Variants in GRID2 observed in about 807,000 individuals in gnomAD.
GRID2 encodes glutamate ionotropic receptor delta type subunit 2, also known as glutamate receptor ionotropic, delta-2.
In GRID2, 33 loss-of-function variants were observed where a neutral mutation model predicts 114.8. The ratio of observed to expected loss-of-function variants is 0.29; its 90% CI spans 0.22 to 0.38. The LOEUF is 0.38. Among genes scored for constraint, GRID2 ranks in the 10% least tolerant of loss-of-function variants. GRID2 has a pLI of 1.00. For missense variants in GRID2, 1,184 were observed against 1,257.7 expected (o/e 0.94, Z 0.89); for synonymous variants, 505 against 449.9 (o/e 1.12, Z -1.55).
At chr4:93,075,189 A>G (rs2870658) in intron 2 of GRID2, among the ~76,000 whole-genome samples, 70,067 of 151,946 alleles carry the variant, frequency 0.46, 16,673 homozygotes, top group Admixed American at 0.61. Flanking sequence ...TTAGCAGACT[A>G]AAAAAGAAAA....
chr4:92,777,735 GA>G (rs766420473), intron 2 of GRID2, among the ~76,000 whole-genome samples: 7,195 of 113,186 alleles, frequency 0.064, 171 homozygotes, highest in Non-Finnish European at 0.069. Context: ...CATGTGCACA[GA>G]AAAAAAAAAA....
chr4:93,003,201 T>A (rs764875200), intron 2 of GRID2, among the ~76,000 whole-genome samples: 1 of 152,098 alleles, frequency 6.6e-6, no homozygotes, highest in South Asian at 2.1e-4. Context: ...TGCCAGTCTA[T>A]AGAATTATTT....
In GRID2 at chr4:92,869,067, T is replaced by C. The variant is rs1214650157; in HGVS notation, c.245-215928T>C. Among the ~76,000 whole-genome samples the C allele has an allele frequency of 4.6e-5, 7 of 152,108 alleles. No individual in the cohort carries two copies. In the South Asian group the frequency reaches 1.4e-3, roughly 31 times the overall value. ...TAATTTTGTATAAATGTGAGAACAATATGTGTTTCCTTCTGTGTGTCCATC... is the reference window on the plus strand; with the variant it reads ...TAATTTTGTATAAATGTGAGAACAACATGTGTTTCCTTCTGTGTGTCCATC... On this transcript the variant is annotated intron_variant, in intron 2 of 15. Transcript: ENST00000282020.
rs559498097 is a variant in GRID2 at position 93,286,653 on chromosome 4, C to T, written c.1245+48163C>T. 3.3e-5 allele frequency among the ~76,000 whole-genome samples: 5 copies of T among 150,900 alleles called. No individual in the cohort carries two copies. The East Asian group carries it at 9.9e-4, about 30-fold the overall frequency. ...CTCCGGAAACTTCAATTGTGAGCCC[C>T]TCAATGGGGAAAAGCTTTTGTGTAT... On this transcript the variant is annotated intron_variant, in intron 8 of 15. Transcript: ENST00000282020.
At chr4:93,530,188 G>C (rs1407485962) in intron 13 of GRID2, among the ~76,000 whole-genome samples, 1 of 151,912 alleles carries the variant, frequency 6.6e-6, no homozygotes, top group African/African-American at 2.4e-5. Flanking sequence ...CTAACTAATT[G>C]GCCCCCTCCT....
At chr4:92,646,885 A>ATT (rs1731660744) in intron 2 of GRID2, among the ~76,000 whole-genome samples, 1 of 151,300 alleles carries the variant, frequency 6.6e-6, no homozygotes, top group African/African-American at 2.4e-5. Context: ...CAGTCTTTGA[A>ATT]TTCTTTTTTT....
chr4:92,380,846 A>C (rs1049892917), intron 1 of GRID2, among the ~76,000 whole-genome samples: 1 of 152,000 alleles, frequency 6.6e-6, no homozygotes, highest in Non-Finnish European at 1.5e-5. Flanking sequence ...GGTACATATA[A>C]TACTATATCT....
chr4:92,865,820 C>T (rs150540564), intron 2 of GRID2, among the ~76,000 whole-genome samples: 9 of 152,168 alleles, frequency 5.9e-5, no homozygotes, highest in East Asian at 5.8e-4. Flanking sequence ...TATCAAGAAA[C>T]GGCAAAGCAA....
At chr4:92,625,595 T>G (rs879652899) in intron 2 of GRID2, among the ~76,000 whole-genome samples, 35 of 151,862 alleles carry the variant, frequency 2.3e-4, no homozygotes, top group Admixed American at 1.4e-3. Flanking sequence ...AACCAATCAC[T>G]TATTAACTTT....
rs543421252 is a variant in GRID2 at position 93,235,235 on chromosome 4, CAA to C, written c.1126-3134_1126-3133del. Among the ~76,000 whole-genome samples, 143 of 152,162 alleles carry C rather than the reference CAA, an allele frequency of 9.4e-4. 1 individual carries two copies. Among genetic ancestry groups the C allele is most frequent in the South Asian group, 1.7e-3 (8 of 4,818 alleles). On this transcript the variant is annotated intron_variant, in intron 7 of 15. Transcript: ENST00000282020. ...ATCAAGTGGATGGATGAAATTAAAACAAATTTTATTTCATATTTTTTAAAAAG... is the reference window on the plus strand; with the variant it reads ...ATCAAGTGGATGGATGAAATTAAAACATTTTATTTCATATTTTTTAAAAAG...
rs372073050 is a variant in GRID2 at position 93,068,747 on chromosome 4, C to T, written c.245-16248C>T. Among the ~76,000 whole-genome samples, 39 of 151,438 alleles carry T rather than the reference C, an allele frequency of 2.6e-4. No individual in the cohort carries two copies. The East Asian group carries it at 5.1e-3, about 20-fold the overall frequency. On this transcript the variant is annotated intron_variant, in intron 2 of 15. Transcript: ENST00000282020. ...AGAGCTTTACCTCTTTTCTATTCTG[C>T]GGGGAGGTGTGGGGGAAGAGAAGGT...
chr4:92,657,301 T>C, intron 2 of GRID2, among the ~76,000 whole-genome samples: 1 of 151,080 alleles, frequency 6.6e-6, no homozygotes, highest in African/African-American at 2.4e-5. Flanking sequence ...AACTGTCACT[T>C]TACTTTCTTT....
In GRID2 at chr4:93,146,516, T is replaced by TGG. The variant is rs576893778; in HGVS notation, c.735+35564_735+35565dup. ...AAATGGAATTTACGTTCAAATTCAA[T>TGG]GGACCCATGTGCACAAAGAGTGATA... On this transcript the variant is annotated intron_variant, in intron 4 of 15. Transcript: ENST00000282020. Among the ~76,000 whole-genome samples, 794 of 152,238 alleles carry TGG rather than the reference T, an allele frequency of 5.2e-3. 3 individuals are homozygous for TGG. The highest frequency in any genetic ancestry group is 7.4e-3 in the Non-Finnish European group (500 of 68,008).
chr4:93,542,524 C>A (rs1366182020), intron 13 of GRID2, among the ~76,000 whole-genome samples: 1 of 152,062 alleles, frequency 6.6e-6, no homozygotes, highest in East Asian at 1.9e-4. Context: ...ATTGTTTCTG[C>A]CTTTTTTCAC....
Position 93,387,490 on chromosome 4 carries a change from C to T in GRID2, c.1246-8117C>T, listed in dbSNP as rs538136792. Among the ~76,000 whole-genome samples the T allele has an allele frequency of 3.5e-3, 529 of 152,202 alleles. 6 individuals are homozygous for T. The highest frequency in any genetic ancestry group is 0.012 in the African/African-American group (503 of 41,542). ...AAATCTCAGCTGATAGCTGGTAACA[C>T]AGTGTTGGCTATGTATTGAGATACT... On this transcript the variant is annotated intron_variant, in intron 8 of 15. Transcript: ENST00000282020.
At chr4:92,336,004 A>G (rs1367670980) in intron 1 of GRID2, among the ~76,000 whole-genome samples, 1 of 152,184 alleles carries the variant, frequency 6.6e-6, no homozygotes, top group East Asian at 1.9e-4. Flanking sequence ...TTGCTGCATA[A>G]TTTTATTATT....
At chr4:92,602,070 T>A (rs1729240261) in intron 2 of GRID2, among the ~76,000 whole-genome samples, 1 of 151,984 alleles carries the variant, frequency 6.6e-6, no homozygotes, top group African/African-American at 2.4e-5. Context: ...TATAGCTGAA[T>A]TCTACCAGAG....
intron 2 of GRID2, among the ~76,000 whole-genome samples, chr4:92,797,937 C>G (rs931601592): frequency 1.8e-4 from 27 of 151,940 alleles, no homozygotes; most frequent in African/African-American, 2.9e-4. Context: ...GTTGAAAGTA[C>G]AATACTTGAT....
chr4:93,339,198 G>A (rs1476255978), intron 8 of GRID2, among the ~76,000 whole-genome samples: 1 of 152,160 alleles, frequency 6.6e-6, no homozygotes, highest in African/African-American at 2.4e-5. Context: ...GGGTTGAATT[G>A]TGTCTCCTCC....
Sources: allele counts gnomAD v4.1 joint callset (sites outside exome capture counted in the v4.1 genomes callset), GRCh38; gene constraint gnomAD v4.1.1; transcripts MANE v1.5; gene names NCBI Gene and HGNC (gene_info 2026-07-23, HGNC 2026-07-21).